SLC9D1: variants seen among roughly 807,000 people sequenced by gnomAD.
SLC9D1 encodes putative LAG1-interacting protein.
chr13:113,527,788 G>A, the SLC9D1 span: 59,434 of 151,858 alleles, frequency 0.39, 12,821 homozygotes, highest in African/African-American at 0.58. Flanking sequence ...CTGCGATTGC[G>A]GAAACTTAGA....
At chr13:113,521,505 G>A in the SLC9D1 span, among the ~76,000 whole-genome samples, 1 of 151,994 alleles carries the variant, frequency 6.6e-6, no homozygotes, top group East Asian at 1.9e-4. Context: ...TGTGTTGCAT[G>A]TGTCTGCGTG....
chr13:113,549,517 G>C, the SLC9D1 span: 1 of 1,614,002 alleles, frequency 6.2e-7, no homozygotes, highest in Non-Finnish European at 8.5e-7. Context: ...TGCCCAGACC[G>C]GAGAGACGGT....
At chr13:113,491,034 G>C in the SLC9D1 span, 1 of 160,788 alleles carries the variant, frequency 6.2e-6, no homozygotes, top group Non-Finnish European at 1.4e-5. Context: ...AGTCCGGGTC[G>C]GCTTGGCTGA....
At chr13:113,543,122 C>T in the SLC9D1 span, among the ~76,000 whole-genome samples, 1 of 93,512 alleles carries the variant, frequency 1.1e-5, no homozygotes, top group African/African-American at 4.8e-5. Flanking sequence ...CCCAGCCCTC[C>T]CTGTCCGTGA....
the SLC9D1 span, chr13:113,529,699 G>A: frequency 6.6e-6 from 1 of 151,254 alleles, no homozygotes; most frequent in Admixed American, 6.6e-5. Flanking sequence ...TGTAGACCAC[G>A]TTCCTCCTGA....
the SLC9D1 span, chr13:113,549,671 C>G: frequency 2.0e-6 from 2 of 1,015,896 alleles, no homozygotes; most frequent in African/African-American, 3.1e-5. Context: ...TCAGTGCAGT[C>G]GTGTTATCCC....
the SLC9D1 span, among the ~76,000 whole-genome samples, chr13:113,536,840 A>G: frequency 1.3e-4 from 20 of 152,186 alleles, no homozygotes; most frequent in African/African-American, 4.3e-4. Flanking sequence ...CTGTGGAGGT[A>G]GGGTTGCAGG....
chr13:113,500,214 G>C, the SLC9D1 span: 1 of 1,085,010 alleles, frequency 9.2e-7, no homozygotes, highest in Non-Finnish European at 1.2e-6. Context: ...CAGTATGACC[G>C]AGCTTTATCT....
At chr13:113,522,121 T>C in the SLC9D1 span, among the ~76,000 whole-genome samples, 17 of 152,306 alleles carry the variant, frequency 1.1e-4, no homozygotes, top group African/African-American at 4.1e-4. Context: ...AAAAAGATTG[T>C]GTAAGAGGAC....
chr13:113,506,779 A>G, the SLC9D1 span, among the ~76,000 whole-genome samples: 235 of 152,276 alleles, frequency 1.5e-3, no homozygotes, highest in African/African-American at 5.5e-3. Context: ...ATTTTTCTCC[A>G]CTATAGTATT....
At chr13:113,518,187 T>C in the SLC9D1 span, among the ~76,000 whole-genome samples, 1 of 152,176 alleles carries the variant, frequency 6.6e-6, no homozygotes, top group Non-Finnish European at 1.5e-5. Context: ...AGTGTGGTAA[T>C]ATTTTCATCT....
the SLC9D1 span, chr13:113,529,449 G>C: frequency 2.0e-5 from 3 of 152,206 alleles, no homozygotes; most frequent in Non-Finnish European, 4.4e-5. Flanking sequence ...AGGAGATCGA[G>C]ACCATCCTGG....
At chr13:113,542,665 G>A in the SLC9D1 span, among the ~76,000 whole-genome samples, 1 of 152,206 alleles carries the variant, frequency 6.6e-6, no homozygotes, top group African/African-American at 2.4e-5. Flanking sequence ...GCAGCCTGGA[G>A]TAGTGATTTG....
the SLC9D1 span, chr13:113,514,553 C>T: frequency 6.0e-5 from 8 of 132,334 alleles, 1 homozygote; most frequent in Non-Finnish European, 1.2e-4. Flanking sequence ...ACATGAGCCT[C>T]GCTAGTATTT....
At chr13:113,512,084 G>A in the SLC9D1 span, 1 of 144,124 alleles carries the variant, frequency 6.9e-6, no homozygotes, top group Non-Finnish European at 1.5e-5. Context: ...TATACTTGGA[G>A]TCTCAGGGGC....
At chr13:113,517,469 C>T in the SLC9D1 span, among the ~76,000 whole-genome samples, 3 of 152,204 alleles carry the variant, frequency 2.0e-5, no homozygotes, top group South Asian at 6.2e-4. Flanking sequence ...ACCTCGTGAT[C>T]CGCCCGCCTT....
At chr13:113,550,026 C>A in the SLC9D1 span, 1 of 225,714 alleles carries the variant, frequency 4.4e-6, no homozygotes, top group African/African-American at 2.3e-5. Flanking sequence ...ATTCTTAAAG[C>A]CTATGTTTTC....
At chr13:113,525,675 G>A in the SLC9D1 span, among the ~76,000 whole-genome samples, 25,544 of 148,222 alleles carry the variant, frequency 0.17, 3,187 homozygotes, top group African/African-American at 0.33. Context: ...GGAGACGACA[G>A]CTCTGTGCCT....
At chr13:113,517,228 A>T in the SLC9D1 span, among the ~76,000 whole-genome samples, 1 of 152,202 alleles carries the variant, frequency 6.6e-6, no homozygotes, top group Admixed American at 6.5e-5. Context: ...TAGAATATTC[A>T]TGCAGCCTTT....
Sources: allele counts gnomAD v4.1 joint callset (sites outside exome capture counted in the v4.1 genomes callset), GRCh38; gene constraint gnomAD v4.1.1; transcripts MANE v1.5; gene names NCBI Gene and HGNC (gene_info 2026-07-23, HGNC 2026-07-21).